The following PCM1 variants were observed in gnomAD, a reference collection of about 807,000 sequenced individuals.
PCM1 encodes pericentriolar material 1 protein.
Under a neutral mutation model 241.9 loss-of-function variants are expected in PCM1, and 157 were observed. The observed-to-expected ratio is 0.65, with a 90% confidence interval of 0.57 to 0.74. PCM1 has a LOEUF of 0.74. Among genes scored for constraint, PCM1 ranks in the 30% least tolerant of loss-of-function variants. PCM1 has a pLI of 0.00. For synonymous variants in PCM1, 1,085 were observed against 784.9 expected (o/e 1.38, Z -6.39); for missense variants, 3,478 against 2,360.1 (o/e 1.47, Z -9.81).
chr8:17,968,752 G>T (rs1008468506), intron 21 of PCM1, among the ~76,000 whole-genome samples: 13 of 127,106 alleles, frequency 1.0e-4, no homozygotes, highest in Non-Finnish European at 1.8e-4. Context: ...GTGTGTGTGT[G>T]TGTGTGTGTG....
chr8:17,951,474 C>A (rs2065985548), intron 8 of PCM1, among the ~76,000 whole-genome samples: 1 of 152,178 alleles, frequency 6.6e-6, no homozygotes. Flanking sequence ...ATATTCATGG[C>A]AACTCTGTGT....
chr8:17,929,498 A>G (rs980655423), intron 2 of PCM1, among the ~76,000 whole-genome samples: 1 of 152,212 alleles, frequency 6.6e-6, no homozygotes, highest in African/African-American at 2.4e-5. Context: ...TGGGTGTATT[A>G]TAGGCACATC....
chr8:17,957,206 ATTTC>A, intron 11 of PCM1, 54 bp from the exon 12 acceptor site: 3 of 1,412,928 alleles, frequency 2.1e-6, no homozygotes, highest in South Asian at 1.4e-5. Context: ...CTAAACTTGG[ATTTC>A]TTTCTCTCTT....
intron 8 of PCM1, among the ~76,000 whole-genome samples, chr8:17,952,670 G>C (rs1312754843): frequency 6.6e-6 from 1 of 152,282 alleles, no homozygotes; most frequent in East Asian, 1.9e-4. Flanking sequence ...GATGTGTGTA[G>C]ATTATGTGCA....
intron 29 of PCM1, among the ~76,000 whole-genome samples, 199 bp downstream of exon 29, chr8:17,993,818 C>T (rs905568434): frequency 3.3e-5 from 5 of 152,144 alleles, no homozygotes; most frequent in South Asian, 2.1e-4. Context: ...CTGCCTTTTT[C>T]ATTTACTATA....
chr8:17,966,503 G>C (rs756290363), intron 20 of PCM1, 30 bp downstream of exon 20: 3 of 1,599,026 alleles, frequency 1.9e-6, no homozygotes, highest in Admixed American at 1.7e-5. Context: ...TATTGAGACT[G>C]TATAAGAGCT....
At position 17,966,147 on chromosome 8, in the gene PCM1, C is replaced by G. The variant is rs759029564; in HGVS notation, c.3004C>G (p.Gln1002Glu). ...YVEEKEQWQE[Q>E]INQLKKQLDF... ...AGAAGAGAAAGAACAATGGCAAGAA[C>G]AAATCAATCAGCTAAAGAAACAGCT... is the stretch of plus-strand genomic sequence containing the variant. Residue 1002 changes from glutamine (Q) to glutamate (E), a missense_variant, in exon 19 of 39, where the codon CAA (glutamine) becomes GAA (glutamate). Transcript: ENST00000325083. The G allele has an allele frequency of 1.4e-5, 22 of 1,613,760 alleles. No individual in the cohort carries two copies. The highest frequency in any genetic ancestry group is 2.2e-5 in the East Asian group (1 of 44,888).
intron 24 of PCM1, 38 bp downstream of exon 24, chr8:17,980,793 T>G (rs752701523): frequency 2.7e-6 from 4 of 1,492,248 alleles, no homozygotes; most frequent in Non-Finnish European, 9.1e-7. Flanking sequence ...ATAAGGAGGT[T>G]TTCAGCTTAG....
rs1362181742 is a variant in PCM1, at chr8:18,014,109, A to C, written c.5584+73A>C. 9 of 824,030 alleles carry C rather than the reference A, an allele frequency of 1.1e-5. No individual in the cohort carries two copies. The Admixed American group carries it at 1.5e-4, about 14-fold the overall frequency. The allele number at this position is 824,030 out of a possible 1,614,324, so 51.0% of individuals were successfully genotyped here. On this transcript the variant is annotated intron_variant, in intron 35 of 38. Coordinates refer to ENST00000325083, the MANE Select transcript of PCM1 (RefSeq NM_006197.4). ...TGCTTTAAAGCTAAAAAAAAAAAAA[A>C]AACACACACAGAAAACACTAAAATT...
chr8:17,960,410 T>C lies in PCM1; in HGVS notation c.2288T>C (p.Ile763Thr), dbSNP rs1184833349. 3 of 1,604,834 alleles carry C rather than the reference T, an allele frequency of 1.9e-6. No individual in the cohort carries two copies. The highest frequency in any genetic ancestry group is 2.3e-5 in the South Asian group (2 of 88,812). The change falls in exon 15 of 39, where the codon ATT becomes ACT. Residue 763 changes from isoleucine (I) to threonine (T), a missense_variant. Transcript: ENST00000325083. ...AAACTGATTGACATTCAGGAGAAAA[T>C]TCAAGCATTGCAAACGGCATGCCCT... ...RKKLIDIQEK[I>T]QALQTACPDL...
In PCM1 at chr8:17,957,695, G is replaced by A; in HGVS notation, c.1960G>A (p.Glu654Lys). The part of the protein sequence containing the change: ...SLVDEHPEDA[E>K]FEQKINRLMA... Reference sequence around the variant, plus strand: ...GGTTGATGAGCATCCAGAAGATGCTGAATTTGAACAGAAGATCAACCGACT... The same window carrying A: ...GGTTGATGAGCATCCAGAAGATGCTAAATTTGAACAGAAGATCAACCGACT... The change falls in exon 13 of 39, where the codon GAA becomes AAA. Residue 654 changes from glutamate (E) to lysine (K), a missense_variant. By Grantham distance (56) the Glu-to-Lys change is moderately conservative (BLOSUM62 1). Coordinates refer to ENST00000325083, the MANE Select transcript of PCM1 (RefSeq NM_006197.4). 1 of 1,612,736 alleles carries A rather than the reference G, an allele frequency of 6.2e-7. No individual in the cohort carries two copies. The highest frequency in any genetic ancestry group is 8.5e-7 in the Non-Finnish European group (1 of 1,179,350).
Position 17,969,753 on chromosome 8 carries a change from T to G in PCM1, c.3584+5T>G. The G allele has an allele frequency of 1.5e-6, 2 of 1,315,876 alleles. No homozygotes were observed. Among genetic ancestry groups the G allele is most frequent in the Non-Finnish European group, 2.2e-6 (2 of 921,994 alleles). 81.5% of individuals were successfully genotyped at this position (1,315,876 alleles called of 1,614,324 possible). The stretch of plus-strand genomic sequence containing the variant: ...TATTGGAGCAGAGAAACCAAGGTAC[T>G]GATTGTAAACAGTCTTTTATTGCTT... On this transcript the variant is annotated splice_donor_5th_base_variant and intron_variant, in intron 22 of 38. Transcript: ENST00000325083.
At chr8:17,956,560 C>T in intron 10 of PCM1, 44 bp from the exon 11 acceptor site, 1 of 1,233,356 alleles carries the variant, frequency 8.1e-7, no homozygotes, top group East Asian at 2.4e-5. Context: ...TATTATTTTG[C>T]TAAAATGGGT....
Position 18,014,736 on chromosome 8 carries a change from C to G in PCM1, c.5737C>G (p.Pro1913Ala), listed in dbSNP as rs1417965303. 4 of 1,613,022 alleles carry G rather than the reference C, an allele frequency of 2.5e-6. No individual in the cohort carries two copies. In the South Asian group the frequency reaches 4.4e-5, roughly 18 times the overall value. ...GCCGTTACGTTTACCTGAAATGGAA[C>G]CCTTAGTGCCTAGAGTCAAAGAAGT... ...PLPLRLPEME[P>A]LVPRVKEVKS... Residue 1913 changes from proline to alanine, a missense_variant, in exon 36 of 39, where the codon CCC becomes GCC. Coordinates refer to ENST00000325083, the MANE Select transcript of PCM1 (RefSeq NM_006197.4).
intron 36 of PCM1, among the ~76,000 whole-genome samples, chr8:18,024,554 T>C (rs1799543514): frequency 6.6e-6 from 1 of 152,206 alleles, no homozygotes; most frequent in African/African-American, 2.4e-5. Flanking sequence ...TATCTGATCA[T>C]TGTCTAGTTG....
At chr8:17,972,777 T>G in intron 23 of PCM1, 90 bp downstream of exon 23, 1 of 700,710 alleles carries the variant, frequency 1.4e-6, no homozygotes. Context: ...TCAGTAAGGC[T>G]AGATGTGCAG....
At chr8:18,012,571 CTGGTCTAGA>C (rs2092664834) in intron 34 of PCM1, among the ~76,000 whole-genome samples, 1 of 152,066 alleles carries the variant, frequency 6.6e-6, no homozygotes, top group Non-Finnish European at 1.5e-5. Context: ...ATTTTCCTCC[CTGGTCTAGA>C]TCTTTTCTTC....
chr8:17,955,343 A>G (rs376677663), intron 9 of PCM1, 127 bp from the exon 10 acceptor site: 1 of 629,736 alleles, frequency 1.6e-6, no homozygotes, highest in African/African-American at 1.8e-5. Flanking sequence ...ATTTTCTGAA[A>G]TTTAAATCTG....
At chr8:17,967,460 C>T (rs1019133697) in intron 21 of PCM1, among the ~76,000 whole-genome samples, 3 of 152,084 alleles carry the variant, frequency 2.0e-5, no homozygotes, top group African/African-American at 7.2e-5. Flanking sequence ...AGGCATGTGC[C>T]ACCGTGCCCA....
Sources: allele counts gnomAD v4.1 joint callset (sites outside exome capture counted in the v4.1 genomes callset), GRCh38; gene constraint gnomAD v4.1.1; transcripts MANE v1.5; gene names NCBI Gene and HGNC (gene_info 2026-07-23, HGNC 2026-07-21).